GCNT2: variants seen among roughly 807,000 people sequenced by gnomAD.
GCNT2 encodes N-acetyllactosaminide beta-1,6-N-acetylglucosaminyl-transferase.
Under a neutral mutation model 34.2 loss-of-function variants are expected in GCNT2, and 34 were observed. That is an observed-to-expected ratio of 1.00 (90% CI 0.76 to 1.32). The LOEUF (loss-of-function observed/expected upper bound fraction) is 1.32, where lower values mean the gene tolerates loss of function less well. Among genes scored for constraint, GCNT2 ranks in the 40% most tolerant of loss-of-function variants. The probability of loss-of-function intolerance (pLI) is 0.00; values close to 1 mark genes in which losing one functional copy is unlikely to be tolerated. For synonymous variants in GCNT2, 212 were observed against 188.0 expected, an observed-to-expected ratio of 1.13 and a Z score of -1.04; for missense variants, 584 against 489.4, an observed-to-expected ratio of 1.19 and a Z score of -1.82.
chr6:10,556,845 T>TA, intron 3 of GCNT2: 1 of 1,614,226 alleles, frequency 6.2e-7, no homozygotes, highest in Non-Finnish European at 8.5e-7. Flanking sequence ...GTAGAGCAAC[T>TA]ATTAAGCTGC....
chr6:10,586,893 G>A (rs748793562), intron 3 of GCNT2: 9 of 1,613,256 alleles, frequency 5.6e-6, no homozygotes, highest in Non-Finnish European at 7.6e-6. Flanking sequence ...GCATTTCTGG[G>A]TGACACTTAA....
intron 3 of GCNT2, among the ~76,000 whole-genome samples, chr6:10,548,108 A>T (rs2113622459): frequency 6.6e-6 from 1 of 152,280 alleles, no homozygotes; most frequent in African/African-American, 2.4e-5. Context: ...GTATTTAAAG[A>T]TCAAAATCTG....
chr6:10,524,258 T>G (rs1000977588), intron 1 of GCNT2, among the ~76,000 whole-genome samples: 2 of 151,826 alleles, frequency 1.3e-5, no homozygotes, highest in African/African-American at 4.8e-5. Context: ...GGGCTTTTTT[T>G]TTTTTTTTTT....
chr6:10,561,710 G>A, intron 3 of GCNT2, among the ~76,000 whole-genome samples: 1 of 152,076 alleles, frequency 6.6e-6, no homozygotes, highest in East Asian at 1.9e-4. Flanking sequence ...TGTGCTTTTG[G>A]AGTCTTTGCT....
chr6:10,527,252 C>G (rs912636435), intron 1 of GCNT2: 15 of 152,174 alleles, frequency 9.9e-5, no homozygotes, highest in African/African-American at 3.4e-4. Flanking sequence ...TGGTGAAACC[C>G]CGTCTCTACT....
In GCNT2 at chr6:10,523,182, G is replaced by A. The variant is rs978865742; in HGVS notation, c.-469+1765G>A. 2.6e-5 allele frequency among the ~76,000 whole-genome samples: 4 copies of A among 152,276 alleles called. No homozygotes were observed. The East Asian group carries it at 7.7e-4, about 29-fold the overall frequency. On this transcript the variant is annotated intron_variant, in intron 1 of 4. Coordinates refer to ENST00000495262, the MANE Select transcript of GCNT2 (RefSeq NM_145649.5). Reference sequence around the variant, plus strand: ...CATGACTGTAATCCCAGCACTTTGGGAGGCCGAGTCAGGCGGATCACCTGA... The same window carrying A: ...CATGACTGTAATCCCAGCACTTTGGAAGGCCGAGTCAGGCGGATCACCTGA...
chr6:10,595,542 G>C (rs1764815580), intron 3 of GCNT2, among the ~76,000 whole-genome samples: 1 of 146,692 alleles, frequency 6.8e-6, no homozygotes, highest in African/African-American at 2.7e-5. Context: ...CTCCCAAAGT[G>C]CTGGGATTAC....
rs573695044 is a variant in GCNT2, at chr6:10,627,403, G to A, written c.*796G>A. The A allele has an allele frequency of 6.6e-6, 1 of 152,260 alleles. No individual in the cohort carries two copies. The highest frequency in any genetic ancestry group is 6.5e-5 in the Admixed American group (1 of 15,294). 9.4% of individuals were successfully genotyped at this position (152,260 alleles called of 1,614,324 possible). A position where few individuals can be genotyped will look rare whatever the true frequency, so the allele number is the denominator to read the frequency against. On this transcript the variant is annotated 3_prime_UTR_variant, in exon 5 of 5. Transcript: ENST00000495262. ...ATCACATAGATCTAGTCTGAAGTCTGGAACACTTTCCTCTTCTATGACCCC... is the reference window on the plus strand; with the variant it reads ...ATCACATAGATCTAGTCTGAAGTCTAGAACACTTTCCTCTTCTATGACCCC...
At chr6:10,526,338 G>T (rs1484497467) in intron 1 of GCNT2, among the ~76,000 whole-genome samples, 2 of 152,162 alleles carry the variant, frequency 1.3e-5, no homozygotes, top group African/African-American at 4.8e-5. Flanking sequence ...AATTTTCCCT[G>T]TGTCCTTTCT....
At position 10,599,367 on chromosome 6, in the gene GCNT2, A is replaced by G. The variant is rs73434942; in HGVS notation, c.926-21984A>G. Among the ~76,000 whole-genome samples the G allele has an allele frequency of 9.0e-3, 1,374 of 152,300 alleles. 28 individuals carry two copies. Among genetic ancestry groups the G allele is most frequent in the African/African-American group, 0.032 (1,317 of 41,554 alleles). ...ACCTAACAATTCCCAAATAACCTGA[A>G]TCTTCTCTGTGTCTACCTCAGTAAA... On this transcript the variant is annotated intron_variant, in intron 3 of 4. Coordinates refer to ENST00000495262, the MANE Select transcript of GCNT2 (RefSeq NM_145649.5).
chr6:10,565,091 A>C (rs758444237), intron 3 of GCNT2, among the ~76,000 whole-genome samples: 1 of 152,228 alleles, frequency 6.6e-6, no homozygotes, highest in African/African-American at 2.4e-5. Flanking sequence ...GGTCCCAGGC[A>C]GAGGGAATAG....
At chr6:10,582,012 ATATATG>A (rs981051579) in intron 3 of GCNT2, 3 of 214,938 alleles carry the variant, frequency 1.4e-5, no homozygotes, top group East Asian at 1.9e-4. Flanking sequence ...ATTTATGTGT[ATATATG>A]TATATATCAT....
chr6:10,582,356 T>C (rs1308095335), intron 3 of GCNT2, among the ~76,000 whole-genome samples: 1 of 105,986 alleles, frequency 9.4e-6, no homozygotes, highest in Non-Finnish European at 1.6e-5. Flanking sequence ...ATAGTAATAT[T>C]AAATATAATA....
Position 10,528,670 on chromosome 6 carries a change from T to C in GCNT2, c.-242T>C, listed in dbSNP as rs111290415. The C allele has an allele frequency of 1.4e-5, 8 of 566,246 alleles. No individual in the cohort carries two copies. Among genetic ancestry groups the C allele is most frequent in the African/African-American group, 9.4e-5 (5 of 53,284 alleles). 35.1% of individuals were successfully genotyped at this position (566,246 alleles called of 1,614,324 possible). Reference sequence around the variant, plus strand: ...TTAGCAGGAGAACAGGCAAGCCAAATGCAAAGGAGCCACTTCAGAAATGTG... The same window carrying C: ...TTAGCAGGAGAACAGGCAAGCCAAACGCAAAGGAGCCACTTCAGAAATGTG... On this transcript the variant is annotated 5_prime_UTR_variant, in exon 3 of 5. An upstream start codon of the reference 5' UTR is lost. Transcript: ENST00000495262.
At chr6:10,571,952 T>C (rs1763572305) in intron 3 of GCNT2, among the ~76,000 whole-genome samples, 1 of 152,214 alleles carries the variant, frequency 6.6e-6, no homozygotes, top group Non-Finnish European at 1.5e-5. Flanking sequence ...TTCACACTGA[T>C]AGTTATTGTA....
intron 3 of GCNT2, among the ~76,000 whole-genome samples, chr6:10,543,199 C>T (rs552877810): frequency 2.7e-5 from 4 of 148,102 alleles, no homozygotes; most frequent in Admixed American, 6.8e-5. Context: ...TGAGCCACCA[C>T]GCCCGGCCCT....
At chr6:10,586,547 C>T (rs201986799) in intron 3 of GCNT2, 49 of 1,613,944 alleles carry the variant, frequency 3.0e-5, no homozygotes, top group Non-Finnish European at 3.9e-5. Context: ...CCTGGAAGTA[C>T]GTCATCAACA....
intron 3 of GCNT2, among the ~76,000 whole-genome samples, chr6:10,535,768 G>A (rs899969406): frequency 3.9e-5 from 6 of 152,128 alleles, no homozygotes; most frequent in Non-Finnish European, 8.8e-5. Flanking sequence ...CTTTGTGGGC[G>A]GTGGGAGGAA....
chr6:10,529,869 A>G (rs766215890), intron 3 of GCNT2, 33 bp downstream of exon 3: 25 of 1,487,514 alleles, frequency 1.7e-5, no homozygotes, highest in Non-Finnish European at 2.3e-5. Context: ...ATTTTTACGA[A>G]TAAACACTGC....
Sources: allele counts gnomAD v4.1 joint callset (sites outside exome capture counted in the v4.1 genomes callset), GRCh38; gene constraint gnomAD v4.1.1; transcripts MANE v1.5; gene names NCBI Gene and HGNC (gene_info 2026-07-23, HGNC 2026-07-21).